RPL21: variants seen among roughly 807,000 people sequenced by gnomAD.
RPL21 encodes the protein ribosomal protein L21.
Under a neutral mutation model 21.2 loss-of-function variants are expected in RPL21, and 1 was observed. The observed-to-expected ratio is 0.05, with a 90% CI of 0.02 to 0.22. The LOEUF is 0.22. RPL21 is among the 10% of genes least tolerant of loss of function. The pLI is 1.00. For missense variants in RPL21, 113 were observed against 199.4 expected (o/e 0.57, Z 2.61); for synonymous variants, 52 against 62.9 (o/e 0.83, Z 0.82).
chr13:27,256,266 G>T lies in RPL21; in HGVS notation c.325G>T (p.Val109Leu). 2.5e-6 allele frequency: 4 copies of T among 1,591,502 alleles called. No individual in the cohort carries two copies. The highest frequency in any genetic ancestry group is 3.4e-6 in the Non-Finnish European group (4 of 1,162,926). ...SKSRDSFLKR[V>L]KENDQKKKEA... ...GAGCCGAGATAGCTTCCTGAAACGT[G>T]TGAAGGAAAATGATCAGAAAAAGAA... Residue 109 changes from valine (V) to leucine (L), a missense_variant, in exon 5 of 6, where the codon GTG becomes TTG. Transcript: ENST00000311549.
intron 3 of RPL21, 128 bp from the exon 4 acceptor site, chr13:27,255,113 AC>A (rs1250841331): frequency 1.3e-6 from 1 of 775,422 alleles, no homozygotes; most frequent in African/African-American, 1.7e-5. Flanking sequence ...TGTGAAAAAC[AC>A]ATTTCACCGG....
At chr13:27,256,020 T>C (rs531768470) in intron 4 of RPL21, among the ~76,000 whole-genome samples, 164 bp from the exon 5 acceptor site, 3 of 152,378 alleles carry the variant, frequency 2.0e-5, no homozygotes, top group South Asian at 4.1e-4. Context: ...TCTTCTGATA[T>C]GATTAATTGA....
intron 4 of RPL21, chr13:27,255,756 T>G (rs1881873215): frequency 2.8e-6 from 1 of 356,672 alleles, no homozygotes; most frequent in Non-Finnish European, 5.4e-6. Flanking sequence ...GTATTCTTAG[T>G]AGAGACAGGG....
At chr13:27,252,279 G>A (rs541166719) in intron 1 of RPL21, among the ~76,000 whole-genome samples, 13 of 152,308 alleles carry the variant, frequency 8.5e-5, no homozygotes, top group Non-Finnish European at 1.5e-4. Flanking sequence ...ACCAAGAGGA[G>A]ATACTGTTTT....
At chr13:27,254,435 G>C in intron 3 of RPL21, 154 bp downstream of exon 3, 1 of 534,608 alleles carries the variant, frequency 1.9e-6, no homozygotes, top group South Asian at 2.1e-5. Flanking sequence ...CACTCTTGTT[G>C]CTCAGGCTGG....
intron 4 of RPL21, chr13:27,255,981 T>C (rs960372971): frequency 7.1e-6 from 4 of 565,674 alleles, no homozygotes; most frequent in African/African-American, 5.7e-5. Flanking sequence ...TCAAAGAGAG[T>C]TAAAAGTAGG....
At chr13:27,255,807 C>G in intron 4 of RPL21, 1 of 326,316 alleles carries the variant, frequency 3.1e-6, no homozygotes, top group East Asian at 8.4e-5. Context: ...CTCCTGACCT[C>G]GTGATCTGCC....
chr13:27,255,788 G>A (rs1224894778), intron 4 of RPL21: 2 of 338,280 alleles, frequency 5.9e-6, no homozygotes, highest in African/African-American at 2.2e-5. Flanking sequence ...CAGCCAGGAT[G>A]GTCTCAATCT....
intron 2 of RPL21, 110 bp from the exon 3 acceptor site, chr13:27,254,110 A>G: frequency 1.3e-6 from 1 of 782,806 alleles, no homozygotes; most frequent in South Asian, 1.4e-5. Flanking sequence ...GGAAGATAAT[A>G]AGCATGTAAC....
chr13:27,253,037 T>TTAGCTGC (rs1452907275), intron 1 of RPL21, among the ~76,000 whole-genome samples: 1 of 152,228 alleles, frequency 6.6e-6, no homozygotes, highest in Non-Finnish European at 1.5e-5. Flanking sequence ...TAATGATAAA[T>TTAGCTGC]TAGCTGCCGG....
rs1338720984 is a variant in RPL21 at position 27,256,322 on chromosome 13, A to G, written c.381A>G (p.Gln127=). 3.1e-6 allele frequency: 5 copies of G among 1,610,930 alleles called. 1 individual carries two copies. The highest frequency in any genetic ancestry group is 4.5e-5 in the East Asian group (2 of 44,686). Reference sequence around the variant, plus strand: ...CCAAAGAGAAAGGTACCTGGGTTCAACTAAAGCGCCAGGTAAGAATTTGGT... The same window carrying G: ...CCAAAGAGAAAGGTACCTGGGTTCAGCTAAAGCGCCAGGTAAGAATTTGGT... ...KEAKEKGTWV[Q]LKRQPAPPRE... Residue 127 remains glutamine (Q), a synonymous_variant, in exon 5 of 6, where the codon CAA becomes CAG. Transcript: ENST00000311549.
chr13:27,252,200 TA>T (rs1485628599), intron 1 of RPL21, among the ~76,000 whole-genome samples: 1 of 152,192 alleles, frequency 6.6e-6, no homozygotes, highest in Admixed American at 6.5e-5. Context: ...CGACTGTTTT[TA>T]AAATTTTGAC....
intron 2 of RPL21, among the ~76,000 whole-genome samples, 167 bp from the exon 3 acceptor site, chr13:27,254,053 T>C (rs1226796807): frequency 1.3e-5 from 2 of 152,178 alleles, no homozygotes; most frequent in Admixed American, 1.3e-4. Flanking sequence ...TGGAGAGAGG[T>C]TGTGATTTAG....
chr13:27,254,383 A>G, intron 3 of RPL21, 102 bp downstream of exon 3: 1 of 486,474 alleles, frequency 2.1e-6, no homozygotes, highest in East Asian at 3.7e-5. Context: ...CTGTAAGAGT[A>G]TAGAATGGAT....
chr13:27,255,882 T>TA, intron 4 of RPL21: 1 of 339,964 alleles, frequency 2.9e-6, no homozygotes, highest in East Asian at 7.6e-5. Context: ...CAGCAGTTTT[T>TA]ATAGAATAAA....
chr13:27,253,944 A>C (rs750884615), intron 2 of RPL21, 101 bp downstream of exon 2: 344 of 795,742 alleles, frequency 4.3e-4, no homozygotes, highest in Non-Finnish European at 6.1e-4. Context: ...AATAGAATTA[A>C]ATAACTAGCG....
chr13:27,251,650 C>T (rs974137128), intron 1 of RPL21, 65 bp downstream of exon 1: 2 of 152,318 alleles, frequency 1.3e-5, no homozygotes, highest in African/African-American at 2.4e-5. Context: ...ACCTTGTGGC[C>T]TCAGAGGTCG....
At chr13:27,255,020 C>G (rs760667206) in intron 3 of RPL21, 2 of 722,286 alleles carry the variant, frequency 2.8e-6, no homozygotes, top group Non-Finnish European at 5.1e-6. Flanking sequence ...CTAGTGAAAG[C>G]TGTGTTCTTC....
Position 27,253,904 on chromosome 13 carries a change from A to G in RPL21, c.67+61A>G, listed in dbSNP as rs10467685. 0.094 allele frequency: 91,122 copies of G among 967,290 alleles called. 4,876 individuals are homozygous for G. Among genetic ancestry groups the G allele is most frequent in the Middle Eastern group, 0.16 (775 of 4,828 alleles). 59.9% of individuals were successfully genotyped at this position (967,290 alleles called of 1,614,324 possible). On this transcript the variant is annotated intron_variant, in intron 2 of 5. Transcript: ENST00000311549. ...ACACATTTGTGTTCTGTTGTGTTCA[A>G]CATGTGTTGTAGTTCATAGAATGTG...
Sources: allele counts gnomAD v4.1 joint callset (sites outside exome capture counted in the v4.1 genomes callset), GRCh38; gene constraint gnomAD v4.1.1; transcripts MANE v1.5; gene names NCBI Gene and HGNC (gene_info 2026-07-23, HGNC 2026-07-21).